Variants in ARIH1 observed in about 807,000 individuals in gnomAD.
The protein encoded by ARIH1 is E3 ubiquitin-protein ligase ARIH1.
ARIH1 carries 8 observed loss-of-function variants against 85.0 expected under a neutral mutation model. The ratio of observed to expected loss-of-function variants is 0.09; its 90% confidence interval spans 0.06 to 0.17. The LOEUF (loss-of-function observed/expected upper bound fraction) is 0.17. Among genes scored for constraint, ARIH1 ranks in the 10% least tolerant of loss-of-function variants. The probability of loss-of-function intolerance (pLI) is 1.00; values close to 1 mark genes in which losing one functional copy is unlikely to be tolerated. For synonymous variants in ARIH1, 238 were observed against 253.6 expected (o/e 0.94, Z 0.59); for missense variants, 311 against 718.1 (o/e 0.43, Z 6.48).
At chr15:72,506,696 T>C (rs938768706) in intron 1 of ARIH1, among the ~76,000 whole-genome samples, 2 of 152,154 alleles carry the variant, frequency 1.3e-5, no homozygotes, top group Non-Finnish European at 2.9e-5. Flanking sequence ...CATGAGCCCA[T>C]GCTTCTGTAG....
chr15:72,486,378 T>A (rs769231163), intron 1 of ARIH1, among the ~76,000 whole-genome samples: 1 of 152,214 alleles, frequency 6.6e-6, no homozygotes, highest in African/African-American at 2.4e-5. Context: ...ATAGACTACC[T>A]ACCTGCTACT....
At chr15:72,494,827 A>G (rs7182464) in intron 1 of ARIH1, among the ~76,000 whole-genome samples, 91 of 9,066 alleles carry the variant, frequency 0.01, no homozygotes, top group Admixed American at 0.02. Flanking sequence ...AATTATTAGG[A>G]AAAAAAAAAA....
At chr15:72,518,572 G>A (rs892752092) in intron 2 of ARIH1, among the ~76,000 whole-genome samples, 2 of 152,044 alleles carry the variant, frequency 1.3e-5, no homozygotes, top group African/African-American at 4.8e-5. Flanking sequence ...GGTGGAACAC[G>A]AGGTCAGGAG....
chr15:72,602,846 C>G lies in ARIH1; in HGVS notation c.*19554C>G, dbSNP rs1258593985. The G allele has an allele frequency of 6.6e-6, 1 of 152,174 alleles. No individual in the cohort carries two copies. Among genetic ancestry groups the G allele is most frequent in the Non-Finnish European group, 1.5e-5 (1 of 68,040 alleles). 9.4% of individuals were successfully genotyped at this position (152,174 alleles called of 1,614,324 possible). ...TTAACTTTCAAGGAGTTTCTCCAACCCAAAATGGCACCCTTCCTGAAAAGA... is the reference window on the plus strand; with the variant it reads ...TTAACTTTCAAGGAGTTTCTCCAACGCAAAATGGCACCCTTCCTGAAAAGA... On this transcript the variant is annotated 3_prime_UTR_variant, in exon 14 of 14. Transcript: ENST00000379887.
intron 11 of ARIH1, among the ~76,000 whole-genome samples, chr15:72,578,433 T>A (rs1158081033): frequency 6.6e-6 from 1 of 152,170 alleles, no homozygotes; most frequent in African/African-American, 2.4e-5. Flanking sequence ...TTTACATTTC[T>A]CTCAATGTGA....
chr15:72,557,106 A>C (rs2064177732), intron 5 of ARIH1, among the ~76,000 whole-genome samples: 1 of 151,886 alleles, frequency 6.6e-6, no homozygotes. Flanking sequence ...TTACTTTTTA[A>C]AATTATTTTT....
At chr15:72,579,977 A>G (rs1427186056) in intron 11 of ARIH1, among the ~76,000 whole-genome samples, 1 of 152,102 alleles carries the variant, frequency 6.6e-6, no homozygotes, top group East Asian at 1.9e-4. Context: ...TGAAATATAT[A>G]TTATTATTGA....
intron 1 of ARIH1, among the ~76,000 whole-genome samples, chr15:72,477,847 C>G (rs1171009542): frequency 6.6e-6 from 1 of 152,084 alleles, no homozygotes; most frequent in Admixed American, 6.6e-5. Flanking sequence ...ACTCTGTCAC[C>G]CAGGCTGTAG....
chr15:72,546,437 G>A (rs925730415), intron 3 of ARIH1, among the ~76,000 whole-genome samples: 13 of 152,170 alleles, frequency 8.5e-5, no homozygotes, highest in Admixed American at 3.3e-4. Flanking sequence ...TAACTCTAAC[G>A]TGAAATTTTT....
intron 5 of ARIH1, among the ~76,000 whole-genome samples, chr15:72,558,301 T>A (rs575176845): frequency 6.6e-6 from 1 of 152,316 alleles, no homozygotes; most frequent in Admixed American, 6.5e-5. Flanking sequence ...TCGTATGGTT[T>A]TTAATTCTGT....
intron 5 of ARIH1, among the ~76,000 whole-genome samples, chr15:72,557,035 A>C (rs531045370): frequency 2.0e-5 from 3 of 152,174 alleles, no homozygotes; most frequent in Non-Finnish European, 4.4e-5. Flanking sequence ...ATACTAGTGA[A>C]TGTGTCTTTT....
chr15:72,537,436 C>CA (rs1451994991), intron 2 of ARIH1, among the ~76,000 whole-genome samples: 1 of 152,048 alleles, frequency 6.6e-6, no homozygotes, highest in Non-Finnish European at 1.5e-5. Flanking sequence ...AATAGTGCTC[C>CA]AAACCCTCAG....
rs1364521000 is a variant in ARIH1 at position 72,596,788 on chromosome 15, AATT to A, written c.*13500_*13502del. ...TATTTATGGATACATAGTTGTACTG[AATT>A]ATTCATTTCTAATATTTTTATTTCT... On this transcript the variant is annotated 3_prime_UTR_variant, in exon 14 of 14. Transcript: ENST00000379887. 1 of 152,144 alleles carries A rather than the reference AATT, an allele frequency of 6.6e-6. No homozygotes were observed. The highest frequency in any genetic ancestry group is 1.5e-5 in the Non-Finnish European group (1 of 68,026). 9.4% of individuals were successfully genotyped at this position (152,144 alleles called of 1,614,324 possible).
At chr15:72,564,944 T>G (rs1184263290) in intron 7 of ARIH1, among the ~76,000 whole-genome samples, 1 of 152,164 alleles carries the variant, frequency 6.6e-6, no homozygotes, top group Non-Finnish European at 1.5e-5. Flanking sequence ...ACATACACAT[T>G]TTAGGGGGAC....
intron 1 of ARIH1, among the ~76,000 whole-genome samples, chr15:72,501,784 G>A (rs2063905136): frequency 6.6e-6 from 1 of 152,106 alleles, no homozygotes; most frequent in Non-Finnish European, 1.5e-5. Context: ...AGCATGAGGT[G>A]GTCTATATTT....
In ARIH1 at chr15:72,501,960, T is replaced by G. The variant is rs1286344437; in HGVS notation, c.376-16107T>G. 4.1e-4 allele frequency among the ~76,000 whole-genome samples: 62 copies of G among 152,034 alleles called. 3 individuals are homozygous for G. The highest frequency in any genetic ancestry group is 1.5e-5 in the Non-Finnish European group (1 of 68,010). On this transcript the variant is annotated intron_variant, in intron 1 of 13. Transcript: ENST00000379887. The stretch of plus-strand genomic sequence containing the variant: ...CCAAGAAAATCTTGCCTGAATGGAG[T>G]TTCAGGTAACGATAAAAGTTTAAAA...
In ARIH1 at chr15:72,593,291, C is replaced by A. The variant is rs1239067213; in HGVS notation, c.*9999C>A. 1 of 151,846 alleles carries A rather than the reference C, an allele frequency of 6.6e-6. No individual in the cohort carries two copies. The highest frequency in any genetic ancestry group is 2.4e-5 in the African/African-American group (1 of 41,298). The allele number at this position is 151,846 out of a possible 1,614,324, so 9.4% of individuals were successfully genotyped here. On this transcript the variant is annotated 3_prime_UTR_variant, in exon 14 of 14. Coordinates refer to ENST00000379887, the MANE Select transcript of ARIH1 (RefSeq NM_005744.5). ...TATTCTTTGTATTTTGAATATAAATCCTTTGATAGATATGCTATGATTTTT... is the reference window on the plus strand; with the variant it reads ...TATTCTTTGTATTTTGAATATAAATACTTTGATAGATATGCTATGATTTTT...
chr15:72,581,868 GTTCTT>G, intron 12 of ARIH1: 1 of 388,792 alleles, frequency 2.6e-6, no homozygotes, highest in African/African-American at 2.1e-5. Flanking sequence ...GAAATCTTTC[GTTCTT>G]TTAACATTTA....
intron 1 of ARIH1, among the ~76,000 whole-genome samples, chr15:72,486,883 C>G (rs781384940): frequency 1.5e-4 from 22 of 151,274 alleles, no homozygotes; most frequent in Non-Finnish European, 2.5e-4. Context: ...TTGGTAGAGA[C>G]AGGGTTTCAC....
Sources: allele counts gnomAD v4.1 joint callset (sites outside exome capture counted in the v4.1 genomes callset), GRCh38; gene constraint gnomAD v4.1.1; transcripts MANE v1.5; gene names NCBI Gene and HGNC (gene_info 2026-07-23, HGNC 2026-07-21).